The following KATNIP variants were observed in gnomAD, a reference collection of about 807,000 sequenced individuals.
KATNIP encodes katanin interacting protein, also known as katanin-interacting protein.
Under a neutral mutation model 174.0 loss-of-function variants are expected in KATNIP, and 126 were observed. That is an observed-to-expected ratio of 0.72 (90% confidence interval 0.63 to 0.84). The LOEUF (loss-of-function observed/expected upper bound fraction) is 0.84, where lower values mean the gene tolerates loss of function less well. Ranked by LOEUF, KATNIP falls within the 40% of genes least tolerant of loss-of-function variation. KATNIP has a pLI of 0.00. For synonymous variants in KATNIP, 810 were observed against 835.7 expected (o/e 0.97, Z 0.53); for missense variants, 1,958 against 2,109.7 (o/e 0.93, Z 1.41).
At chr16:27,708,436 A>G in intron 12 of KATNIP, 1 of 408,242 alleles carries the variant, frequency 2.4e-6, no homozygotes, top group Non-Finnish European at 4.4e-6. Flanking sequence ...TGCTTTTTAG[A>G]CATTTTTATT....
At chr16:27,742,356 A>G (rs1300543073) in intron 15 of KATNIP, among the ~76,000 whole-genome samples, 1 of 152,202 alleles carries the variant, frequency 6.6e-6, no homozygotes, top group Non-Finnish European at 1.5e-5. Context: ...GAATGAGATG[A>G]TGGCTTCCAA....
chr16:27,659,874 G>A (rs1158124595), intron 6 of KATNIP: 1 of 248,554 alleles, frequency 4.0e-6, no homozygotes, highest in Non-Finnish European at 6.4e-6. Flanking sequence ...GGCACGCCAT[G>A]GTTATCATTG....
At chr16:27,656,611 A>G (rs1355362750) in intron 6 of KATNIP, among the ~76,000 whole-genome samples, 2 of 151,066 alleles carry the variant, frequency 1.3e-5, no homozygotes, top group Non-Finnish European at 3.0e-5. Flanking sequence ...ATGCAGCCAT[A>G]AAAAATGATG....
intron 13 of KATNIP, 43 bp downstream of exon 13, chr16:27,708,963 C>A: frequency 1.4e-6 from 2 of 1,470,386 alleles, no homozygotes; most frequent in Non-Finnish European, 9.4e-7. Context: ...CTGTGTATTC[C>A]CATGCATTTT....
chr16:27,700,093 C>T (rs2079047197), intron 10 of KATNIP, among the ~76,000 whole-genome samples: 1 of 151,216 alleles, frequency 6.6e-6, no homozygotes, highest in East Asian at 2.0e-4. Context: ...TGTATTTTTA[C>T]TAGAGACAAG....
At chr16:27,681,778 G>A (rs766283493) in intron 8 of KATNIP, among the ~76,000 whole-genome samples, 4 of 152,226 alleles carry the variant, frequency 2.6e-5, no homozygotes, top group Non-Finnish European at 5.9e-5. Flanking sequence ...TGTGCAGGAA[G>A]AGCCTATGTC....
intron 5 of KATNIP, among the ~76,000 whole-genome samples, chr16:27,638,661 G>A (rs1318556405): frequency 2.0e-5 from 3 of 152,058 alleles, no homozygotes; most frequent in African/African-American, 7.2e-5. Flanking sequence ...GGAGGTATCA[G>A]TGGGGCCACA....
chr16:27,642,536 G>C (rs73535025), intron 5 of KATNIP, among the ~76,000 whole-genome samples: 2,416 of 152,156 alleles, frequency 0.016, 62 homozygotes, highest in African/African-American at 0.054. Context: ...AGGAATCTCC[G>C]GGCCTGGAAA....
chr16:27,656,783 CTG>C (rs1480640468), intron 6 of KATNIP, among the ~76,000 whole-genome samples: 3 of 110,312 alleles, frequency 2.7e-5, no homozygotes, highest in African/African-American at 7.3e-5. Context: ...ACTCTGGGGA[CTG>C]TGGTGGGGAG....
At chr16:27,595,934 A>G (rs184819006) in intron 2 of KATNIP, among the ~76,000 whole-genome samples, 1 of 152,280 alleles carries the variant, frequency 6.6e-6, no homozygotes. Context: ...TCGCGGGGAC[A>G]GGGGACATCC....
chr16:27,773,076 T>G (rs762364149), intron 22 of KATNIP, 23 bp from the exon 23 acceptor site: 1 of 1,437,204 alleles, frequency 7.0e-7, no homozygotes, highest in South Asian at 1.2e-5. Context: ...TTAAGCCTTC[T>G]TTTCCTTAAT....
At chr16:27,568,310 A>G (rs2090162516) in intron 1 of KATNIP, among the ~76,000 whole-genome samples, 2 of 152,220 alleles carry the variant, frequency 1.3e-5, no homozygotes, top group Non-Finnish European at 2.9e-5. Context: ...ACAAATCATG[A>G]TACAGCAAAT....
At chr16:27,577,518 C>T (rs1210502107) in intron 2 of KATNIP, among the ~76,000 whole-genome samples, 1 of 152,114 alleles carries the variant, frequency 6.6e-6, no homozygotes, top group African/African-American at 2.4e-5. Flanking sequence ...ATGGTGAAAC[C>T]CTATCTCTAC....
At chr16:27,731,761 T>G (rs1309832247) in intron 14 of KATNIP, among the ~76,000 whole-genome samples, 2 of 151,912 alleles carry the variant, frequency 1.3e-5, no homozygotes, top group African/African-American at 4.8e-5. Context: ...TGGGATTACA[T>G]GTGTGTGCCC....
chr16:27,635,627 G>A (rs890994247), intron 5 of KATNIP, among the ~76,000 whole-genome samples: 1 of 152,080 alleles, frequency 6.6e-6, no homozygotes, highest in Non-Finnish European at 1.5e-5. Context: ...ATTCAAGAAG[G>A]CTCAGTTCCT....
At chr16:27,613,076 C>A (rs1036226620) in intron 2 of KATNIP, among the ~76,000 whole-genome samples, 2 of 151,466 alleles carry the variant, frequency 1.3e-5, no homozygotes, top group Admixed American at 6.6e-5. Flanking sequence ...CCGGGCAACA[C>A]GACAAAACCA....
intron 6 of KATNIP, chr16:27,654,722 A>AT (rs1567258949): frequency 7.4e-7 from 1 of 1,351,958 alleles, no homozygotes; most frequent in South Asian, 1.1e-5. Context: ...CCTCTTAACT[A>AT]TTCAGGATGT....
At chr16:27,649,608 A>G (rs2142345730) in intron 6 of KATNIP, among the ~76,000 whole-genome samples, 1 of 152,294 alleles carries the variant, frequency 6.6e-6, no homozygotes. Context: ...CTCTCACCCC[A>G]GCTTCCTGAG....
In KATNIP at chr16:27,777,522, C is replaced by G. The variant is rs189973163; in HGVS notation, c.4552-88C>G. The G allele has an allele frequency of 2.9e-3, 3,748 of 1,313,768 alleles. 83 individuals carry two copies. The African/African-American group carries it at 0.048, about 17-fold the overall frequency. The allele number at this position is 1,313,768 out of a possible 1,614,324, so 81.4% of individuals were successfully genotyped here. A position where few individuals can be genotyped will look rare whatever the true frequency, so the allele number is the denominator to read the frequency against. On this transcript the variant is annotated intron_variant, in intron 25 of 27. Transcript: ENST00000261588. The surrounding 1 kb of genome is among the most constrained non-coding windows in gnomAD (Gnocchi z 4.4). ...CAGCCCCGTCTTCCCGAGGAGAAAG[C>G]CTTGGCTCAGAGCAGTAACGCGTTC...
Sources: gnomAD v4.1 joint callset for allele counts (sites outside exome capture counted in the v4.1 genomes callset) on GRCh38, gnomAD v4.1.1 for gene constraint, Gnocchi (gnomAD v3.1) non-coding constraint, MANE v1.5 for transcripts, NCBI Gene and HGNC (gene_info 2026-07-23, HGNC 2026-07-21) for gene names.